CCDC148: variants seen among roughly 807,000 people sequenced by gnomAD.
The protein encoded by CCDC148 is coiled-coil domain-containing protein 148.
A neutral mutation model predicts 85.7 loss-of-function variants in CCDC148; 89 were observed. The ratio of observed to expected loss-of-function variants is 1.04; its 90% confidence interval spans 0.87 to 1.24. The LOEUF is 1.24. Among genes scored for constraint, CCDC148 ranks in the 50% most tolerant of loss-of-function variants. CCDC148 has a pLI of 0.00. For missense variants in CCDC148, 692 were observed against 671.7 expected (o/e 1.03, Z -0.33); for synonymous variants, 230 against 213.9 (o/e 1.08, Z -0.66).
At chr2:158,335,631 T>A (rs1682335817) in intron 7 of CCDC148, among the ~76,000 whole-genome samples, 1 of 152,040 alleles carries the variant, frequency 6.6e-6, no homozygotes, top group Non-Finnish European at 1.5e-5. Context: ...TCTGGAGACT[T>A]ATTCACTACC....
intron 1 of CCDC148, among the ~76,000 whole-genome samples, chr2:158,445,051 C>T (rs1045004481): frequency 5.3e-5 from 8 of 151,910 alleles, no homozygotes; most frequent in Admixed American, 5.2e-4. Flanking sequence ...AGTTCAGAAG[C>T]TTATACAGTT....
rs1270865730 is a variant in CCDC148 at position 158,242,369 on chromosome 2, CCTTT to C, written c.1251+8399_1251+8402del. 6.0e-4 allele frequency among the ~76,000 whole-genome samples: 91 copies of C among 152,230 alleles called. 1 individual carries two copies. Among genetic ancestry groups the C allele is most frequent in the African/African-American group, 1.9e-3 (78 of 41,558 alleles). The stretch of plus-strand genomic sequence containing the variant: ...ACAATTAGAACATCATTTACTGAGG[CCTTT>C]CTAAGTGCCAGCCACGTGCAAACTG... On this transcript the variant is annotated intron_variant, in intron 10 of 13. Coordinates refer to ENST00000283233, the MANE Select transcript of CCDC148 (RefSeq NM_138803.4).
Position 158,456,729 on chromosome 2 carries a change from C to T in CCDC148, c.-290G>A, listed in dbSNP as rs757037421. 1 of 467,704 alleles carries T rather than the reference C, an allele frequency of 2.1e-6. No individual in the cohort carries two copies. Among genetic ancestry groups the T allele is most frequent in the South Asian group, 2.5e-5 (1 of 39,282 alleles). 29.0% of individuals were successfully genotyped at this position (467,704 alleles called of 1,614,324 possible). A position where few individuals can be genotyped will look rare whatever the true frequency, so the allele number is the denominator to read the frequency against. ...CACACCCACCCTCTCCAGGCCCTCT[C>T]GCGCTGAACAGCATCGGTCTCTATG... is the stretch of plus-strand genomic sequence containing the variant. On this transcript the variant is annotated 5_prime_UTR_variant, in exon 1 of 14. Coordinates refer to ENST00000283233, the MANE Select transcript of CCDC148 (RefSeq NM_138803.4).
chr2:158,356,511 C>A lies in CCDC148; in HGVS notation c.147+1938G>T, dbSNP rs879763247. Among the ~76,000 whole-genome samples, 636 of 152,168 alleles carry A rather than the reference C, an allele frequency of 4.2e-3. 2 individuals carry two copies. The highest frequency in any genetic ancestry group is 9.6e-3 in the South Asian group (46 of 4,816). On this transcript the variant is annotated intron_variant, in intron 2 of 13. Transcript: ENST00000283233. ...ATCATCACTGGCCATCAGAGAAATG[C>A]AAATCAAAACTACAATGAGATACCA...
chr2:158,176,402 C>T (rs923404082), intron 13 of CCDC148, 119 bp downstream of exon 13: 3 of 932,010 alleles, frequency 3.2e-6, no homozygotes, highest in East Asian at 2.8e-5. Context: ...AAAAATTATG[C>T]TAATATGTAA....
chr2:158,268,446 T>C (rs1265055907), intron 9 of CCDC148, among the ~76,000 whole-genome samples: 2 of 152,160 alleles, frequency 1.3e-5, no homozygotes, highest in African/African-American at 2.4e-5. Flanking sequence ...TTTAAAATTT[T>C]CCAGATTTAT....
At chr2:158,197,757 CTAA>C (rs1182587943) in intron 11 of CCDC148, among the ~76,000 whole-genome samples, 1 of 152,072 alleles carries the variant, frequency 6.6e-6, no homozygotes, top group Non-Finnish European at 1.5e-5. Flanking sequence ...TATTGCCACT[CTAA>C]TGATAGATAC....
chr2:158,433,092 A>AAAAAAAAATATATATATATC (rs1559141535), intron 1 of CCDC148, among the ~76,000 whole-genome samples: 1 of 67,318 alleles, frequency 1.5e-5, no homozygotes, highest in African/African-American at 5.1e-5. Context: ...AAAAAAAAAA[A>AAAAAAAAATATATATATATC]TATATATATA....
At chr2:158,296,531 C>G (rs1691196951) in intron 9 of CCDC148, among the ~76,000 whole-genome samples, 1 of 152,132 alleles carries the variant, frequency 6.6e-6, no homozygotes, top group Non-Finnish European at 1.5e-5. Context: ...TTACCCAGTA[C>G]TTGAGATTAT....
intron 9 of CCDC148, among the ~76,000 whole-genome samples, chr2:158,303,689 T>G (rs1265454943): frequency 6.6e-6 from 1 of 152,186 alleles, no homozygotes; most frequent in Admixed American, 6.5e-5. Context: ...TATGTTCTGA[T>G]TTCCCCCACT....
At chr2:158,391,895 G>A (rs551180026) in intron 1 of CCDC148, among the ~76,000 whole-genome samples, 7 of 152,166 alleles carry the variant, frequency 4.6e-5, no homozygotes, top group African/African-American at 1.7e-4. Context: ...GTGGTGTGAG[G>A]GGATGAGACC....
At chr2:158,392,619 TG>T (rs1685361477) in intron 1 of CCDC148, among the ~76,000 whole-genome samples, 1 of 152,124 alleles carries the variant, frequency 6.6e-6, no homozygotes, top group African/African-American at 2.4e-5. Flanking sequence ...AACCTATATT[TG>T]TAAACTATTA....
intron 9 of CCDC148, among the ~76,000 whole-genome samples, chr2:158,295,898 T>C (rs1016537427): frequency 6.6e-6 from 1 of 151,972 alleles, no homozygotes; most frequent in African/African-American, 2.4e-5. Flanking sequence ...GAGAAGGAAA[T>C]AAAGGGTATT....
At chr2:158,455,503 T>A (rs1339500715) in intron 1 of CCDC148, among the ~76,000 whole-genome samples, 1 of 152,080 alleles carries the variant, frequency 6.6e-6, no homozygotes, top group African/African-American at 2.4e-5. Flanking sequence ...CAACTTAAAA[T>A]TCAGAACAAT....
At chr2:158,194,188 T>A (rs1232335001) in intron 11 of CCDC148, among the ~76,000 whole-genome samples, 1 of 152,108 alleles carries the variant, frequency 6.6e-6, no homozygotes, top group Non-Finnish European at 1.5e-5. Context: ...TAAAATTTAA[T>A]AAAAATTTCT....
intron 2 of CCDC148, among the ~76,000 whole-genome samples, chr2:158,353,512 A>C (rs903098773): frequency 6.6e-6 from 1 of 151,768 alleles, no homozygotes; most frequent in African/African-American, 2.4e-5. Context: ...GGATCAATTC[A>C]ACAAGAAGAG....
chr2:158,295,559 G>A (rs1691143306), intron 9 of CCDC148, among the ~76,000 whole-genome samples: 2 of 143,936 alleles, frequency 1.4e-5, no homozygotes, highest in Non-Finnish European at 3.1e-5. Context: ...GGGATGCAAG[G>A]CTGGTTCAAT....
chr2:158,220,833 T>A, intron 10 of CCDC148, 120 bp from the exon 11 acceptor site: 1 of 713,886 alleles, frequency 1.4e-6, no homozygotes, highest in Non-Finnish European at 2.3e-6. Context: ...CACTTCATCT[T>A]TTTTGTTTCA....
At chr2:158,248,177 T>C (rs1574481549) in intron 10 of CCDC148, among the ~76,000 whole-genome samples, 2 of 152,060 alleles carry the variant, frequency 1.3e-5, no homozygotes, top group African/African-American at 4.8e-5. Flanking sequence ...TCAAAATATC[T>C]TAAAATCTAT....
Sources: allele counts gnomAD v4.1 joint callset (sites outside exome capture counted in the v4.1 genomes callset), GRCh38; gene constraint gnomAD v4.1.1; transcripts MANE v1.5; gene names NCBI Gene and HGNC (gene_info 2026-07-23, HGNC 2026-07-21).